Variants in SOS1 observed in about 807,000 individuals in gnomAD.
The protein encoded by SOS1 is son of sevenless homolog 1.
In SOS1, 25 loss-of-function variants were observed where a neutral mutation model predicts 157.6. The observed-to-expected ratio is 0.16, with a 90% CI of 0.12 to 0.22. SOS1 has a LOEUF of 0.22. Ranked by LOEUF, SOS1 falls within the 10% of genes least tolerant of loss-of-function variation. SOS1 has a pLI of 1.00. For synonymous variants in SOS1, 528 were observed against 534.0 expected (o/e 0.99, Z 0.16); for missense variants, 1,237 against 1,599.1 (o/e 0.77, Z 3.86).
At chr2:39,064,436 A>T (rs1284310528) in intron 2 of SOS1, among the ~76,000 whole-genome samples, 1 of 152,166 alleles carries the variant, frequency 6.6e-6, no homozygotes, top group Non-Finnish European at 1.5e-5. Context: ...ATCAGGAAAT[A>T]ATTTTCCATT....
upstream of SOS1, among the ~76,000 whole-genome samples, chr2:39,123,810 T>G (rs953098747): frequency 3.9e-5 from 6 of 152,184 alleles, no homozygotes; most frequent in Non-Finnish European, 8.8e-5. Flanking sequence ...CAACGTTGTT[T>G]CCAGAAAACG....
chr2:39,066,872 A>T (rs903567616), intron 2 of SOS1, among the ~76,000 whole-genome samples: 3 of 152,222 alleles, frequency 2.0e-5, no homozygotes, highest in African/African-American at 7.2e-5. Context: ...GCTTGGACAT[A>T]TGCCACTCCT....
At chr2:39,078,474 G>C (rs1672090571) in intron 1 of SOS1, among the ~76,000 whole-genome samples, 1 of 149,744 alleles carries the variant, frequency 6.7e-6, no homozygotes, top group Non-Finnish European at 1.5e-5. Context: ...CCAACACCTG[G>C]CTGCCAACCA....
chr2:39,067,485 C>A lies in SOS1; in HGVS notation c.213+143G>T. 5.1e-6 allele frequency: 4 copies of A among 789,440 alleles called. No homozygotes were observed. In the South Asian group the frequency reaches 5.8e-5, roughly 11 times the overall value. The allele number at this position is 789,440 out of a possible 1,614,324, so 48.9% of individuals were successfully genotyped here. On this transcript the variant is annotated intron_variant, in intron 2 of 22. Coordinates refer to ENST00000402219, the MANE Select transcript of SOS1 (RefSeq NM_005633.4). ...TCCCAAGCATTCTGGATAAGGGATA[C>A]TCAACCTGTAAAGAGTTAAATCCAG...
rs775100038 is a variant in SOS1 at position 38,995,049 on chromosome 2, CAG to C, written c.3346+72_3346+73del. On this transcript the variant is annotated intron_variant, in intron 20 of 22. Transcript: ENST00000402219. ...CAAGTTCACACATACAAAAAAATAA[CAG>C]AGATTCTTTTTTACCTCTAGCATGT... 538 of 1,277,282 alleles carry C rather than the reference CAG, an allele frequency of 4.2e-4. 1 individual carries two copies. In the Middle Eastern group the frequency reaches 0.01, roughly 25 times the overall value. 79.1% of individuals were successfully genotyped at this position (1,277,282 alleles called of 1,614,324 possible).
chr2:39,068,667 C>T (rs1671675214), intron 1 of SOS1, among the ~76,000 whole-genome samples: 1 of 151,878 alleles, frequency 6.6e-6, no homozygotes, highest in African/African-American at 2.4e-5. Flanking sequence ...AAATCTTTAC[C>T]TTCTTTCTCC....
At position 39,090,551 on chromosome 2, in the gene SOS1, C is replaced by A. The variant is rs1361266611; in HGVS notation, c.88-22798G>T. On this transcript the variant is annotated intron_variant, in intron 1 of 22. Coordinates refer to ENST00000402219, the MANE Select transcript of SOS1 (RefSeq NM_005633.4). The stretch of plus-strand genomic sequence containing the variant: ...TCTCTATTAAAAATACAAAAATTAG[C>A]CAGGCATGGTGGCAGGCGCCTGTAA... Among the ~76,000 whole-genome samples the A allele has an allele frequency of 1.4e-4, 21 of 152,116 alleles. 1 individual carries two copies. Among genetic ancestry groups the A allele is most frequent in the Non-Finnish European group, 1.5e-5 (1 of 67,998 alleles).
chr2:39,034,796 C>T (rs976774025), intron 8 of SOS1: 1 of 456,864 alleles, frequency 2.2e-6, no homozygotes, highest in Admixed American at 2.3e-5. Flanking sequence ...TGGCCTTATC[C>T]TCACACTGGC....
chr2:38,984,734 A>G lies in SOS1; in HGVS notation c.*1090T>C, dbSNP rs1053149554. 1 of 152,200 alleles carries G rather than the reference A, an allele frequency of 6.6e-6. No homozygotes were observed. Among genetic ancestry groups the G allele is most frequent in the Non-Finnish European group, 1.5e-5 (1 of 68,024 alleles). The allele number at this position is 152,200 out of a possible 1,614,324, so 9.4% of individuals were successfully genotyped here. On this transcript the variant is annotated 3_prime_UTR_variant, in exon 23 of 23. Transcript: ENST00000402219. The stretch of plus-strand genomic sequence containing the variant: ...AATTTAATATATGCCAGCCAAACAA[A>G]GTATTTGTATCTTTATTCAATTAAA...
chr2:39,062,488 T>A (rs1671442882), intron 2 of SOS1, among the ~76,000 whole-genome samples: 1 of 142,698 alleles, frequency 7.0e-6, no homozygotes. Flanking sequence ...TTCTTTAGGA[T>A]TCCAAGGGAA....
intron 10 of SOS1, among the ~76,000 whole-genome samples, chr2:39,017,437 C>T (rs529427426): frequency 6.6e-6 from 1 of 152,070 alleles, no homozygotes; most frequent in East Asian, 1.9e-4. Context: ...TCTTGATCAG[C>T]CTTATTCTAG....
intron 20 of SOS1, chr2:38,993,803 G>A (rs1225097679): frequency 6.6e-6 from 1 of 152,184 alleles, no homozygotes; most frequent in African/African-American, 2.4e-5. Flanking sequence ...ATTCTAGTAT[G>A]TCAAATTAGG....
chr2:39,083,547 T>C (rs926008282), intron 1 of SOS1, among the ~76,000 whole-genome samples: 1 of 152,128 alleles, frequency 6.6e-6, no homozygotes, highest in Admixed American at 6.5e-5. Flanking sequence ...TATAAGCAGT[T>C]GAGGAGTAGA....
At chr2:39,104,297 A>C (rs995312555) in intron 1 of SOS1, among the ~76,000 whole-genome samples, 1 of 152,138 alleles carries the variant, frequency 6.6e-6, no homozygotes, top group Non-Finnish European at 1.5e-5. Context: ...AAATAAATAA[A>C]TAACTAATTT....
chr2:39,080,900 G>A (rs551173938), intron 1 of SOS1, among the ~76,000 whole-genome samples: 3 of 152,086 alleles, frequency 2.0e-5, no homozygotes, highest in African/African-American at 7.2e-5. Flanking sequence ...AATAATTTTT[G>A]TAAGGCCAGG....
At chr2:38,987,684 A>G in intron 21 of SOS1, 93 bp from the exon 22 acceptor site, 1 of 715,908 alleles carries the variant, frequency 1.4e-6, no homozygotes, top group African/African-American at 1.7e-5. Flanking sequence ...GCTTATAATT[A>G]AAAGTAATGT....
At chr2:39,023,404 A>T (rs1253263080) in intron 9 of SOS1, among the ~76,000 whole-genome samples, 179 bp from the exon 10 acceptor site, 1 of 151,998 alleles carries the variant, frequency 6.6e-6, no homozygotes, top group African/African-American at 2.4e-5. Flanking sequence ...CAACCTAGAA[A>T]TTTTTTTCAG....
intron 1 of SOS1, among the ~76,000 whole-genome samples, chr2:39,109,918 G>A (rs746739225): frequency 2.6e-5 from 4 of 152,044 alleles, no homozygotes; most frequent in Non-Finnish European, 5.9e-5. Flanking sequence ...AACAAAATTG[G>A]AGTATTACAC....
chr2:39,106,590 CA>C (rs775720230), intron 1 of SOS1, among the ~76,000 whole-genome samples: 2 of 31,352 alleles, frequency 6.4e-5, no homozygotes, highest in East Asian at 8.1e-4. Flanking sequence ...GACTCCGTCT[CA>C]AAAAAAAAAA....
Sources: allele counts gnomAD v4.1 joint callset (sites outside exome capture counted in the v4.1 genomes callset), GRCh38; gene constraint gnomAD v4.1.1; transcripts MANE v1.5; gene names NCBI Gene and HGNC (gene_info 2026-07-23, HGNC 2026-07-21).